Variants in TAF1B observed in about 807,000 individuals in gnomAD.
The protein encoded by TAF1B is TATA box-binding protein-associated factor RNA polymerase I subunit B.
Under a neutral mutation model 83.9 loss-of-function variants are expected in TAF1B, and 61 were observed. The observed-to-expected ratio is 0.73, with a 90% CI of 0.59 to 0.90. The LOEUF is 0.90. TAF1B is among the 40% of genes least tolerant of loss of function. The pLI is 0.00. For missense variants in TAF1B, 625 were observed against 677.0 expected, an observed-to-expected ratio of 0.92 and a Z score of 0.85; for synonymous variants, 221 against 224.6, an observed-to-expected ratio of 0.98 and a Z score of 0.14.
At position 9,904,926 on chromosome 2, in the gene TAF1B, G is replaced by A. The variant is rs16867223; in HGVS notation, c.875G>A (p.Arg292His). Residue 292 changes from arginine to histidine, a missense_variant, in exon 9 of 15, where the codon CGT becomes CAT. Coordinates refer to ENST00000263663, the MANE Select transcript of TAF1B (RefSeq NM_005680.3). ...GTTGGAACATTTTTAGATTTGCCTC[G>A]TTTTCCAGACATAACTGAAGACTGC... The part of the protein sequence containing the change: ...VEVGTFLDLP[R>H]FPDITEDCYL... 3,730 of 1,612,242 alleles carry A rather than the reference G, an allele frequency of 2.3e-3. 72 individuals are homozygous for A. The African/African-American group carries it at 0.042, about 18-fold the overall frequency.
chr2:9,929,690 T>G (rs900224541), intron 14 of TAF1B, among the ~76,000 whole-genome samples: 2 of 152,234 alleles, frequency 1.3e-5, no homozygotes, highest in African/African-American at 4.8e-5. Flanking sequence ...AGGATGATGC[T>G]GGCCTCATAA....
At position 9,917,769 on chromosome 2, in the gene TAF1B, G is replaced by A. The variant is rs745985917; in HGVS notation, c.1272-1272G>A. ...TCCATAATTTGTCATTCAAGGTCAT[G>A]CCACTAGAAAATGGTGGAGCCGGCC... is the stretch of plus-strand genomic sequence containing the variant. On this transcript the variant is annotated intron_variant, in intron 12 of 14. Transcript: ENST00000263663. Among the ~76,000 whole-genome samples the A allele has an allele frequency of 3.6e-4, 55 of 152,308 alleles. 2 individuals carry two copies. In the Middle Eastern group the frequency reaches 0.014, roughly 38 times the overall value.
chr2:9,854,074 C>T (rs921931211), intron 4 of TAF1B, among the ~76,000 whole-genome samples: 54 of 152,280 alleles, frequency 3.5e-4, no homozygotes, highest in Non-Finnish European at 3.1e-4. Flanking sequence ...TTCTGATGCA[C>T]ACTTAAGCCT....
At chr2:9,845,384 T>C (rs1558610390) in intron 2 of TAF1B, 66 bp downstream of exon 2, 6 of 1,308,430 alleles carry the variant, frequency 4.6e-6, no homozygotes, top group East Asian at 4.7e-5. Flanking sequence ...GCCTGATATG[T>C]AGTCTAAGTC....
chr2:9,905,396 A>G (rs1337918894), intron 9 of TAF1B, among the ~76,000 whole-genome samples: 1 of 152,194 alleles, frequency 6.6e-6, no homozygotes, highest in Non-Finnish European at 1.5e-5. Context: ...AATGAATTCT[A>G]ATTTTTAAAA....
chr2:9,843,596 G>C, intron 1 of TAF1B, 37 bp downstream of exon 1: 2 of 1,479,378 alleles, frequency 1.4e-6, no homozygotes, highest in Non-Finnish European at 1.8e-6. Flanking sequence ...CACGATCGCC[G>C]GGGCCGGAGG....
At chr2:9,931,499 G>A (rs4556949) in intron 14 of TAF1B, among the ~76,000 whole-genome samples, 77,285 of 151,672 alleles carry the variant, frequency 0.51, 22,734 homozygotes, top group Non-Finnish European at 0.68. Flanking sequence ...ATTGTCCCCC[G>A]CTTTCTTCTG....
At position 9,843,615 on chromosome 2, in the gene TAF1B, G is replaced by A. The variant is rs1236667156; in HGVS notation, c.18+56G>A. 4.8e-6 allele frequency: 7 copies of A among 1,446,680 alleles called. No homozygotes were observed. In the East Asian group the frequency reaches 1.7e-4, roughly 36 times the overall value. 89.6% of individuals were successfully genotyped at this position (1,446,680 alleles called of 1,614,324 possible). Reference sequence around the variant, plus strand: ...ATCGCCGGGGCCGGAGGAGAGAGAAGCTGAGGAGGAGCGGCGGAGGACGCC... The same window carrying A: ...ATCGCCGGGGCCGGAGGAGAGAGAAACTGAGGAGGAGCGGCGGAGGACGCC... On this transcript the variant is annotated intron_variant, in intron 1 of 14. Coordinates refer to ENST00000263663, the MANE Select transcript of TAF1B (RefSeq NM_005680.3).
chr2:9,847,808 G>A (rs956395026), intron 2 of TAF1B, among the ~76,000 whole-genome samples: 1 of 152,126 alleles, frequency 6.6e-6, no homozygotes, highest in African/African-American at 2.4e-5. Context: ...TTTGGAAATT[G>A]TGAAGATGAA....
rs1665505148 is a variant in TAF1B at position 9,910,767 on chromosome 2, A to G, written c.987A>G (p.Val329=). The change falls in exon 10 of 15, where the codon GTA becomes GTG. Residue 329 remains valine (V), a synonymous_variant. Coordinates refer to ENST00000263663, the MANE Select transcript of TAF1B (RefSeq NM_005680.3). ...TGCATAGCTTAACTTGCCACGTGGT[A>G]AAAATGACTGGAATGGGAGAAGTGG... ...DEMHSLTCHV[V]KMTGMGEVDF... is the part of the protein sequence containing the mutation. The G allele has an allele frequency of 1.2e-6, 2 of 1,611,926 alleles. No homozygotes were observed. The highest frequency in any genetic ancestry group is 2.7e-5 in the African/African-American group (2 of 74,894).
chr2:9,929,832 G>T (rs1362856852), intron 14 of TAF1B, among the ~76,000 whole-genome samples: 7 of 152,098 alleles, frequency 4.6e-5, no homozygotes, highest in African/African-American at 9.7e-5. Flanking sequence ...TTTTTGGTTG[G>T]TAAGCTATTA....
chr2:9,928,455 G>A (rs1666112128), intron 14 of TAF1B, among the ~76,000 whole-genome samples: 1 of 152,118 alleles, frequency 6.6e-6, no homozygotes. Flanking sequence ...TAAGCAGCAT[G>A]GCCATTTTCA....
intron 5 of TAF1B, among the ~76,000 whole-genome samples, chr2:9,864,527 C>G (rs1663896844): frequency 1.3e-5 from 2 of 152,268 alleles, no homozygotes; most frequent in South Asian, 4.1e-4. Flanking sequence ...GGAGCTGGTA[C>G]CATTCCTTCT....
chr2:9,856,314 A>G (rs530645637), intron 5 of TAF1B, among the ~76,000 whole-genome samples: 1 of 152,102 alleles, frequency 6.6e-6, no homozygotes, highest in Non-Finnish European at 1.5e-5. Flanking sequence ...GAAAAAAAAA[A>G]AAGGCAGGGG....
chr2:9,864,987 T>C (rs1274187113), intron 5 of TAF1B, among the ~76,000 whole-genome samples: 1 of 152,242 alleles, frequency 6.6e-6, no homozygotes, highest in Non-Finnish European at 1.5e-5. Flanking sequence ...AATATCATAC[T>C]GAATGGACAA....
chr2:9,894,107 CG>C lies in TAF1B; in HGVS notation c.808-10751del, dbSNP rs535141576. On this transcript the variant is annotated intron_variant, in intron 8 of 14. Transcript: ENST00000263663. ...AAAAGTGTAAATTGAGCATAAAGAC[CG>C]TATTTAATGCTTCTATTTTATTATC... 6.0e-3 allele frequency among the ~76,000 whole-genome samples: 906 copies of C among 152,078 alleles called. 9 individuals are homozygous for C. The highest frequency in any genetic ancestry group is 0.021 in the African/African-American group (873 of 41,488).
At chr2:9,884,315 A>G (rs395381) in intron 8 of TAF1B, among the ~76,000 whole-genome samples, 42,267 of 151,962 alleles carry the variant, frequency 0.28, 6,823 homozygotes, top group Middle Eastern at 0.4. Flanking sequence ...TGGACTCCCC[A>G]AAGGACCGCA....
rs552446999 is a variant in TAF1B, at chr2:9,908,338, C to T, written c.956-2398C>T. 4.5e-4 allele frequency among the ~76,000 whole-genome samples: 69 copies of T among 152,054 alleles called. 1 individual carries two copies. Among genetic ancestry groups the T allele is most frequent in the South Asian group, 1.0e-3 (5 of 4,816 alleles). ...CTGGGATTACAGGCGTGAGCCACCACGCCTGGCCAAGATATTAATTTTAAA... is the reference window on the plus strand; with the variant it reads ...CTGGGATTACAGGCGTGAGCCACCATGCCTGGCCAAGATATTAATTTTAAA... On this transcript the variant is annotated intron_variant, in intron 9 of 14. Transcript: ENST00000263663.
rs763606013 is a variant in TAF1B, at chr2:9,933,952, A to C, written c.1735A>C (p.Lys579Gln). 9.3e-6 allele frequency: 15 copies of C among 1,608,070 alleles called. No individual in the cohort carries two copies. The highest frequency in any genetic ancestry group is 1.1e-5 in the South Asian group (1 of 89,300). The change falls in exon 15 of 15, where the codon AAA (lysine) becomes CAA (glutamine). Residue 579 changes from lysine to glutamine, a missense_variant. Transcript: ENST00000263663. ...FEKKYSVKRK[K>Q]SRSKKVRRH ...GAAAAAATACAGTGTAAAAAGAAAG[A>C]AATCAAGATCCAAGAAAGTGAGACG... is the stretch of plus-strand genomic sequence containing the variant.
Sources: gnomAD v4.1 joint callset for allele counts (sites outside exome capture counted in the v4.1 genomes callset) on GRCh38, gnomAD v4.1.1 for gene constraint, MANE v1.5 for transcripts, NCBI Gene and HGNC (gene_info 2026-07-23, HGNC 2026-07-21) for gene names.